WDFY4: variants seen among roughly 807,000 people sequenced by gnomAD.
WDFY4 encodes the protein WDFY family member 4.
In WDFY4, 169 loss-of-function variants were observed where a neutral mutation model predicts 351.9. The ratio of observed to expected loss-of-function variants is 0.48; its 90% confidence interval spans 0.42 to 0.55. WDFY4 has a LOEUF of 0.55. WDFY4 is among the 20% of genes least tolerant of loss of function. The pLI is 0.00. For synonymous variants in WDFY4, 1,622 were observed against 1,574.6 expected, an observed-to-expected ratio of 1.03 and a Z score of -0.71; for missense variants, 3,803 against 3,935.6, an observed-to-expected ratio of 0.97 and a Z score of 0.90.
intron 20 of WDFY4, among the ~76,000 whole-genome samples, chr10:48,787,848 C>CTTCT (rs2066467998): frequency 8.1e-5 from 11 of 136,216 alleles, no homozygotes; most frequent in African/African-American, 2.2e-4. Flanking sequence ...TCTTCTTCTT[C>CTTCT]TTCTTCTTCT....
intron 39 of WDFY4, among the ~76,000 whole-genome samples, chr10:48,846,710 A>G (rs1367115662): frequency 6.6e-6 from 1 of 152,174 alleles, no homozygotes; most frequent in Non-Finnish European, 1.5e-5. Context: ...GGACTAACAT[A>G]TTGGCTAGTC....
intron 39 of WDFY4, among the ~76,000 whole-genome samples, chr10:48,835,079 A>G (rs77298375): frequency 6.6e-6 from 1 of 152,214 alleles, no homozygotes; most frequent in Non-Finnish European, 1.5e-5. Flanking sequence ...TGTTCATTCA[A>G]CAAATATTTA....
At chr10:48,975,081 G>T in intron 58 of WDFY4, 40 bp downstream of exon 58, 4 of 1,551,222 alleles carry the variant, frequency 2.6e-6, no homozygotes, top group Non-Finnish European at 2.6e-6. Flanking sequence ...CCTCACCTTC[G>T]CAGTAGCATG....
In WDFY4 at chr10:48,966,815, C is replaced by G. The variant is rs12262834; in HGVS notation, c.8584+142C>G. The G allele has an allele frequency of 1.3e-3, 1,496 of 1,183,388 alleles. 18 individuals carry two copies. The African/African-American group carries it at 0.018, about 14-fold the overall frequency. The allele number at this position is 1,183,388 out of a possible 1,614,324, so 73.3% of individuals were successfully genotyped here. The stretch of plus-strand genomic sequence containing the variant: ...GAATGGCTGCATCTCCAGTCACAGC[C>G]AGATTCTAGGGGGGTGTCATCTCTG... On this transcript the variant is annotated intron_variant, in intron 55 of 61. Transcript: ENST00000325239.
At chr10:48,918,415 G>A (rs1838746135) in intron 47 of WDFY4, among the ~76,000 whole-genome samples, 1 of 152,124 alleles carries the variant, frequency 6.6e-6, no homozygotes, top group African/African-American at 2.4e-5. Context: ...CTAAAGGAAG[G>A]ATGTAGTGAC....
chr10:48,721,493 C>T (rs1051573561), intron 4 of WDFY4, 126 bp downstream of exon 4: 2 of 805,500 alleles, frequency 2.5e-6, no homozygotes, highest in African/African-American at 3.4e-5. Flanking sequence ...TATTATTTCT[C>T]CTCCCTCCTC....
chr10:48,830,696 C>G lies in WDFY4; in HGVS notation c.6341-4C>G. 2 of 1,550,616 alleles carry G rather than the reference C, an allele frequency of 1.3e-6. No individual in the cohort carries two copies. Among genetic ancestry groups the G allele is most frequent in the Non-Finnish European group, 8.7e-7 (1 of 1,146,594 alleles). ...CTGAGTGTGCCATGTGCTCTCTCTG[C>G]TAGTCCAACACAACATCCAGAAGAC... On this transcript the variant is annotated splice_polypyrimidine_tract_variant and splice_region_variant and intron_variant, in intron 37 of 61. Coordinates refer to ENST00000325239, the MANE Select transcript of WDFY4 (RefSeq NM_001394531.1).
chr10:48,822,488 C>T lies in WDFY4; in HGVS notation c.5933C>T (p.Ser1978Leu), dbSNP rs747481483. Reference protein sequence around the residue: ...LVEKLYSGMFSADPRHILLFI... With the variant: ...LVEKLYSGMFLADPRHILLFI... Reference sequence around the variant, plus strand: ...GAGAAGCTGTACAGTGGGATGTTCTCGGCAGACCCCAGGCATATCCTCCTC... The same window carrying T: ...GAGAAGCTGTACAGTGGGATGTTCTTGGCAGACCCCAGGCATATCCTCCTC... Residue 1978 changes from serine (S) to leucine (L), a missense_variant, in exon 35 of 62, where the codon TCG becomes TTG. Physicochemically the swap from Ser to Leu is moderately radical, Grantham distance 145. This residue lies in a region of WDFY4 where 3,054 missense variants were observed against 3,148.6 expected (regional missense o/e 0.97). Coordinates refer to ENST00000325239, the MANE Select transcript of WDFY4 (RefSeq NM_001394531.1). The T allele has an allele frequency of 4.5e-5, 70 of 1,550,244 alleles. No individual in the cohort carries two copies. The highest frequency in any genetic ancestry group is 1.7e-4 in the Middle Eastern group (1 of 6,004).
intron 20 of WDFY4, among the ~76,000 whole-genome samples, chr10:48,787,870 T>C (rs11101481): frequency 8.2e-5 from 10 of 122,670 alleles, no homozygotes; most frequent in African/African-American, 3.5e-4. Context: ...TCTTCTTCTT[T>C]CTTCTTTCTT....
At position 48,803,689 on chromosome 10, in the gene WDFY4, T is replaced by G. The variant is rs550093463; in HGVS notation, c.4484+330T>G. Among the ~76,000 whole-genome samples the G allele has an allele frequency of 3.3e-5, 5 of 152,190 alleles. No individual in the cohort carries two copies. In the Middle Eastern group the frequency reaches 0.01, roughly 311 times the overall value. On this transcript the variant is annotated intron_variant, in intron 25 of 61. Transcript: ENST00000325239. Reference sequence around the variant, plus strand: ...GGAATTAGTCAGGGCTCTTTTACCCTTCAAGTGGTAGAAATACAACTCAAA... The same window carrying G: ...GGAATTAGTCAGGGCTCTTTTACCCGTCAAGTGGTAGAAATACAACTCAAA...
chr10:48,703,976 C>G (rs932611133), intron 1 of WDFY4, among the ~76,000 whole-genome samples: 2 of 152,178 alleles, frequency 1.3e-5, no homozygotes, highest in Non-Finnish European at 2.9e-5. Context: ...GCTGAGGTCA[C>G]AGGGAATCCC....
chr10:48,945,475 A>G (rs559978348), intron 49 of WDFY4, among the ~76,000 whole-genome samples: 1 of 152,288 alleles, frequency 6.6e-6, no homozygotes, highest in African/African-American at 2.4e-5. Context: ...CAGAACCTGA[A>G]AAGAAAAAGT....
intron 31 of WDFY4, among the ~76,000 whole-genome samples, chr10:48,816,783 T>C (rs1386527245): frequency 6.6e-6 from 1 of 152,230 alleles, no homozygotes; most frequent in Non-Finnish European, 1.5e-5. Context: ...GTTAAATTTC[T>C]ATATTAAAGA....
rs1361755323 is a variant in WDFY4, at chr10:48,726,089, G to T, written c.781+19G>T. 1.3e-6 allele frequency: 2 copies of T among 1,530,444 alleles called. No individual in the cohort carries two copies. Among genetic ancestry groups the T allele is most frequent in the African/African-American group, 2.8e-5 (2 of 72,672 alleles). The allele number at this position is 1,530,444 out of a possible 1,614,324, so 94.8% of individuals were successfully genotyped here. A position where few individuals can be genotyped will look rare whatever the true frequency, so the allele number is the denominator to read the frequency against. On this transcript the variant is annotated intron_variant, in intron 6 of 61. Transcript: ENST00000325239. Reference sequence around the variant, plus strand: ...CTGCAGGGTATGGCCCGGGAAATTAGATGTGGGCTGTGGGCCATGCAAGGG... The same window carrying T: ...CTGCAGGGTATGGCCCGGGAAATTATATGTGGGCTGTGGGCCATGCAAGGG...
At chr10:48,826,022 T>TCTTTGC (rs1247017995) in intron 35 of WDFY4, among the ~76,000 whole-genome samples, 1 of 152,232 alleles carries the variant, frequency 6.6e-6, no homozygotes, top group African/African-American at 2.4e-5. Context: ...CGTCATGAAA[T>TCTTTGC]CTTTGCCTAT....
At chr10:48,721,866 T>C (rs577524106) in intron 4 of WDFY4, among the ~76,000 whole-genome samples, 1 of 152,278 alleles carries the variant, frequency 6.6e-6, no homozygotes, top group South Asian at 2.1e-4. Context: ...TGAGCCACTG[T>C]TCTTTATTTC....
At chr10:48,873,810 A>C (rs2069882230) in intron 41 of WDFY4, 113 bp downstream of exon 41, 6 of 1,231,766 alleles carry the variant, frequency 4.9e-6, no homozygotes, top group Non-Finnish European at 6.7e-6. Flanking sequence ...TAACACATGC[A>C]GTTAAATGTA....
Position 48,982,877 on chromosome 10 carries a change from T to A in WDFY4, c.*302T>A. The A allele has an allele frequency of 1.7e-5, 4 of 241,020 alleles. No individual in the cohort carries two copies. The African/African-American group carries it at 1.9e-4, about 11-fold the overall frequency. 14.9% of individuals were successfully genotyped at this position (241,020 alleles called of 1,614,324 possible). On this transcript the variant is annotated 3_prime_UTR_variant, in exon 62 of 62. Transcript: ENST00000325239. Reference sequence around the variant, plus strand: ...CTCACCTTATTAAGGGCTATTGCACTGAAAAAAAAAAAGATGGGTCGCTTA... The same window carrying A: ...CTCACCTTATTAAGGGCTATTGCACAGAAAAAAAAAAAGATGGGTCGCTTA...
intron 21 of WDFY4, 52 bp from the exon 22 acceptor site, chr10:48,789,822 G>A: frequency 1.3e-6 from 2 of 1,531,970 alleles, no homozygotes; most frequent in Admixed American, 2.0e-5. Flanking sequence ...CGTGGACAAT[G>A]CTTCTTCTTT....
Sources: allele counts gnomAD v4.1 joint callset (sites outside exome capture counted in the v4.1 genomes callset), GRCh38; gene constraint gnomAD v4.1.1; regional missense constraint gnomAD v4.1.1; transcripts MANE v1.5; gene names NCBI Gene and HGNC (gene_info 2026-07-23, HGNC 2026-07-21).